Variants in SLC5A1 observed in about 807,000 individuals in gnomAD.
SLC5A1 encodes solute carrier family 5 member 1, also known as sodium/glucose cotransporter 1.
A neutral mutation model predicts 73.5 loss-of-function variants in SLC5A1; 42 were observed. The ratio of observed to expected loss-of-function variants is 0.57; its 90% CI spans 0.45 to 0.74. The LOEUF is 0.74. Among genes scored for constraint, SLC5A1 ranks in the 30% least tolerant of loss-of-function variants. The probability of loss-of-function intolerance (pLI) is 0.00; values close to 1 mark genes in which losing one functional copy is unlikely to be tolerated. For synonymous variants in SLC5A1, 300 were observed against 317.4 expected, an observed-to-expected ratio of 0.95 and a Z score of 0.58; for missense variants, 634 against 855.4, an observed-to-expected ratio of 0.74 and a Z score of 3.23.
At chr22:32,049,848 G>A in intron 1 of SLC5A1, 95 bp from the exon 2 acceptor site, 1 of 936,316 alleles carries the variant, frequency 1.1e-6, no homozygotes, top group Non-Finnish European at 1.8e-6. Flanking sequence ...AGTGGAGTGG[G>A]TAGAAGAAGG....
intron 13 of SLC5A1, among the ~76,000 whole-genome samples, chr22:32,104,058 A>G (rs973337025): frequency 1.3e-5 from 2 of 152,234 alleles, no homozygotes; most frequent in Non-Finnish European, 2.9e-5. Flanking sequence ...TGCACAGACT[A>G]TGGAATCCCT....
rs1487229791 is a variant in SLC5A1, at chr22:32,084,659, G to A, written c.885G>A (p.Gln295=). The A allele has an allele frequency of 1.2e-6, 2 of 1,612,360 alleles. No individual in the cohort carries two copies. The highest frequency in any genetic ancestry group is 1.7e-6 in the Non-Finnish European group (2 of 1,178,566). ...ILTLWYWCTD[Q]VIVQRCLSAK... Reference sequence around the variant, plus strand: ...CCTTGTGGTACTGGTGCACAGATCAGGTACCCAAGCTGGATGTGCGGGATG... The same window carrying A: ...CCTTGTGGTACTGGTGCACAGATCAAGTACCCAAGCTGGATGTGCGGGATG... Residue 295 remains glutamine (Q), a splice_region_variant and synonymous_variant, in exon 8 of 15, where the codon CAG becomes CAA. Transcript: ENST00000266088.
chr22:32,067,933 C>T (rs1358600183), intron 3 of SLC5A1, 34 bp from the exon 4 acceptor site: 4 of 1,613,166 alleles, frequency 2.5e-6, no homozygotes, highest in East Asian at 2.2e-5. Context: ...TAAGTTTCCT[C>T]CTAATTTGAG....
rs1351633539 is a variant in SLC5A1, at chr22:32,084,930, AAT to A, written c.919_920del (p.Met307ValfsTer45). On this transcript the variant is annotated frameshift_variant, in exon 9 of 15. Transcript: ENST00000266088. LOFTEE classifies it high-confidence loss of function. ...TGTGCAGCGCTGCCTCTCAGCCAAG[AAT>A]ATGTCTCACGTGAAGGGTGGCTGCA... The part of the protein sequence containing the change: ...VIVQRCLSAK[N>X]MSHVKGGCIL... 3 of 1,614,040 alleles carry A rather than the reference AAT, an allele frequency of 1.9e-6. No individual in the cohort carries two copies. The highest frequency in any genetic ancestry group is 2.5e-6 in the Non-Finnish European group (3 of 1,180,038).
intron 13 of SLC5A1, among the ~76,000 whole-genome samples, chr22:32,103,776 A>G (rs2094040479): frequency 6.6e-6 from 1 of 152,190 alleles, no homozygotes; most frequent in Non-Finnish European, 1.5e-5. Flanking sequence ...GATGTAAAAC[A>G]TTTCTAACAA....
At chr22:32,051,412 T>C (rs1286085561) in intron 2 of SLC5A1, among the ~76,000 whole-genome samples, 1 of 152,100 alleles carries the variant, frequency 6.6e-6, no homozygotes, top group African/African-American at 2.4e-5. Context: ...TCCAGGCATT[T>C]TGGGAGGCAG....
intron 11 of SLC5A1, 88 bp downstream of exon 11, chr22:32,091,850 G>A: frequency 7.5e-7 from 1 of 1,340,900 alleles, no homozygotes; most frequent in Non-Finnish European, 1.1e-6. Context: ...AAGGTTGGCA[G>A]ATGCCTGGGT....
chr22:32,065,873 C>G (rs779848011), intron 2 of SLC5A1, among the ~76,000 whole-genome samples: 2 of 152,132 alleles, frequency 1.3e-5, no homozygotes, highest in Non-Finnish European at 2.9e-5. Flanking sequence ...GGGAAATAAG[C>G]GTTTTGTTCC....
rs58053068 is a variant in SLC5A1 at position 32,060,014 on chromosome 22, T to TACACAC, written c.208-6887_208-6882dup. Among the ~76,000 whole-genome samples the TACACAC allele has an allele frequency of 6.5e-3, 893 of 137,660 alleles. 6 individuals are homozygous for TACACAC. Among genetic ancestry groups the TACACAC allele is most frequent in the African/African-American group, 0.014 (502 of 36,272 alleles). The allele number at this position is 137,660 out of a possible 152,430, so 90.3% of individuals were successfully genotyped here. A position where few individuals can be genotyped will look rare whatever the true frequency, so the allele number is the denominator to read the frequency against. Reference sequence around the variant, plus strand: ...CTGGGCAGCACAGGGGCCATGGTTATACACACACACACACACACACACACA... The same window carrying TACACAC: ...CTGGGCAGCACAGGGGCCATGGTTATACACACACACACACACACACACACACACACA... On this transcript the variant is annotated intron_variant, in intron 2 of 14. Transcript: ENST00000266088.
At chr22:32,092,318 T>C (rs565076039) in intron 11 of SLC5A1, among the ~76,000 whole-genome samples, 1 of 152,364 alleles carries the variant, frequency 6.6e-6, no homozygotes, top group South Asian at 2.1e-4. Context: ...CATATGTATA[T>C]ATACACCATA....
At chr22:32,086,550 ATCAG>A (rs1297690424) in intron 10 of SLC5A1, among the ~76,000 whole-genome samples, 1 of 152,204 alleles carries the variant, frequency 6.6e-6, no homozygotes, top group Non-Finnish European at 1.5e-5. Context: ...GGACTTGCCC[ATCAG>A]TCAGGCTTGG....
At chr22:32,083,203 C>A (rs562217624) in intron 7 of SLC5A1, 49 bp downstream of exon 7, 2 of 1,511,456 alleles carry the variant, frequency 1.3e-6, no homozygotes, top group East Asian at 4.5e-5. Flanking sequence ...AGGTAGAGGG[C>A]CTCAGGAAGA....
At chr22:32,055,847 G>A (rs1165562618) in intron 2 of SLC5A1, among the ~76,000 whole-genome samples, 2 of 152,188 alleles carry the variant, frequency 1.3e-5, no homozygotes. Flanking sequence ...GTAAAAATTA[G>A]CATTCTCCTC....
chr22:32,091,032 C>T (rs181775446), intron 10 of SLC5A1, among the ~76,000 whole-genome samples: 1 of 152,110 alleles, frequency 6.6e-6, no homozygotes, highest in African/African-American at 2.4e-5. Flanking sequence ...ATTTGTATGG[C>T]TTTGGAGAAG....
chr22:32,066,510 G>A (rs2093973542), intron 2 of SLC5A1, among the ~76,000 whole-genome samples: 1 of 152,166 alleles, frequency 6.6e-6, no homozygotes, highest in South Asian at 2.1e-4. Flanking sequence ...AGTGTTTACT[G>A]AGAGCCTGTA....
At position 32,102,793 on chromosome 22, in the gene SLC5A1, T is replaced by C. The variant is rs183899111; in HGVS notation, c.1665+556T>C. ...TCCATGAGTTTGGTTTTTAAAACTT[T>C]TAGCTCCTATATATGGTGAGAACAT... On this transcript the variant is annotated intron_variant, in intron 13 of 14. Transcript: ENST00000266088. Among the ~76,000 whole-genome samples the C allele has an allele frequency of 1.8e-4, 28 of 152,332 alleles. No individual in the cohort carries two copies. In the East Asian group the frequency reaches 3.7e-3, roughly 20 times the overall value.
chr22:32,089,426 CAA>C (rs67434857), intron 10 of SLC5A1, among the ~76,000 whole-genome samples: 16,700 of 152,142 alleles, frequency 0.11, 1,130 homozygotes, highest in Non-Finnish European at 0.16. Context: ...AAAAAGATCT[CAA>C]GAGGCATGAA....
chr22:32,059,250 G>C (rs2093956535), intron 2 of SLC5A1: 1 of 985,336 alleles, frequency 1.0e-6, no homozygotes, highest in Non-Finnish European at 1.2e-6. Context: ...CTCTTTGAAG[G>C]CTAGAAGGTA....
intron 2 of SLC5A1, among the ~76,000 whole-genome samples, chr22:32,065,533 T>C (rs960574475): frequency 1.3e-5 from 2 of 152,202 alleles, no homozygotes; most frequent in Non-Finnish European, 2.9e-5. Flanking sequence ...CACTTACCAC[T>C]CTCGGATCAT....
Sources: gnomAD v4.1 joint callset for allele counts (sites outside exome capture counted in the v4.1 genomes callset) on GRCh38, gnomAD v4.1.1 for gene constraint, MANE v1.5 for transcripts, NCBI Gene and HGNC (gene_info 2026-07-23, HGNC 2026-07-21) for gene names.